LYPLAL1: variants seen among roughly 807,000 people sequenced by gnomAD.
LYPLAL1 encodes lysophospholipase like 1.
In LYPLAL1, 23 loss-of-function variants were observed where a neutral mutation model predicts 19.7. That is an observed-to-expected ratio of 1.17 (90% CI 0.84 to 1.65). The LOEUF is 1.65. Ranked by LOEUF, LYPLAL1 falls within the 40% of genes most tolerant of loss-of-function variation. LYPLAL1 has a pLI of 0.00. For missense variants in LYPLAL1, 355 were observed against 279.4 expected, an observed-to-expected ratio of 1.27 and a Z score of -1.93; for synonymous variants, 119 against 96.3, an observed-to-expected ratio of 1.24 and a Z score of -1.38.
the LYPLAL1 span, among the ~76,000 whole-genome samples, chr1:219,356,917 C>T: frequency 6.6e-6 from 1 of 152,170 alleles, no homozygotes; most frequent in Admixed American, 6.5e-5. Flanking sequence ...TTGAATTAAG[C>T]AGCAATTCTG....
chr1:219,348,440 T>A, the LYPLAL1 span, among the ~76,000 whole-genome samples: 2 of 152,236 alleles, frequency 1.3e-5, no homozygotes, highest in Non-Finnish European at 2.9e-5. Flanking sequence ...CTGCAGGTCA[T>A]TCTGTGTATT....
chr1:219,233,136 T>C, the LYPLAL1 span, among the ~76,000 whole-genome samples: 1 of 152,208 alleles, frequency 6.6e-6, no homozygotes, highest in Non-Finnish European at 1.5e-5. Flanking sequence ...AATAGATGAA[T>C]GGATAAACAC....
At chr1:219,398,923 C>T in the LYPLAL1 span, among the ~76,000 whole-genome samples, 6 of 152,218 alleles carry the variant, frequency 3.9e-5, no homozygotes, top group African/African-American at 1.4e-4. Flanking sequence ...ATCCACTGTG[C>T]TGAGTGGCCT....
At chr1:219,349,957 T>C in the LYPLAL1 span, among the ~76,000 whole-genome samples, 1 of 152,216 alleles carries the variant, frequency 6.6e-6, no homozygotes, top group Admixed American at 6.5e-5. Flanking sequence ...TTGGATTTTC[T>C]TGGAGTAATA....
At chr1:219,386,719 G>A in the LYPLAL1 span, among the ~76,000 whole-genome samples, 1 of 152,196 alleles carries the variant, frequency 6.6e-6, no homozygotes, top group Non-Finnish European at 1.5e-5. Flanking sequence ...AATAGAAACA[G>A]AAGTGAACTT....
At chr1:219,315,218 G>T in the LYPLAL1 span, among the ~76,000 whole-genome samples, 2 of 152,154 alleles carry the variant, frequency 1.3e-5, no homozygotes, top group Non-Finnish European at 2.9e-5. Flanking sequence ...TGTAAGAATC[G>T]TTAAGACGAT....
intron 2 of LYPLAL1, among the ~76,000 whole-genome samples, chr1:219,188,368 G>T (rs575245458): frequency 2.5e-4 from 38 of 151,932 alleles, no homozygotes; most frequent in East Asian, 7.7e-4. Context: ...CCCTGAGAAG[G>T]TGACACTTGA....
At chr1:219,247,551 C>T in the LYPLAL1 span, among the ~76,000 whole-genome samples, 1 of 152,206 alleles carries the variant, frequency 6.6e-6, no homozygotes, top group Non-Finnish European at 1.5e-5. Flanking sequence ...TTAGAGTTAG[C>T]TGGACCAAAG....
chr1:219,381,070 C>T, the LYPLAL1 span, among the ~76,000 whole-genome samples: 1 of 152,110 alleles, frequency 6.6e-6, no homozygotes, highest in Non-Finnish European at 1.5e-5. Context: ...TGTCCCCACC[C>T]AAATCTCATC....
intron 1 of LYPLAL1, 159 bp downstream of exon 1, chr1:219,174,140 C>T: frequency 6.9e-7 from 1 of 1,448,396 alleles, no homozygotes; most frequent in Non-Finnish European, 9.1e-7. Context: ...CGGGCAGCGC[C>T]ACCTGCCCCC....
At chr1:219,209,068 A>G (rs1325239416) in intron 3 of LYPLAL1, among the ~76,000 whole-genome samples, 1 of 152,088 alleles carries the variant, frequency 6.6e-6, no homozygotes, top group Non-Finnish European at 1.5e-5. Flanking sequence ...CTCCCCCACC[A>G]AGCTCATTTA....
chr1:219,324,583 G>A, the LYPLAL1 span, among the ~76,000 whole-genome samples: 2 of 152,180 alleles, frequency 1.3e-5, no homozygotes, highest in Non-Finnish European at 2.9e-5. Context: ...TACATAGCAT[G>A]TTTTGTATTA....
At chr1:219,177,191 A>G (rs1572147591) in intron 1 of LYPLAL1, among the ~76,000 whole-genome samples, 1 of 152,164 alleles carries the variant, frequency 6.6e-6, no homozygotes, top group Non-Finnish European at 1.5e-5. Flanking sequence ...GAACAGCAGT[A>G]AGGCTAGTGT....
the LYPLAL1 span, among the ~76,000 whole-genome samples, chr1:219,342,953 T>G: frequency 6.6e-6 from 1 of 152,236 alleles, no homozygotes; most frequent in Admixed American, 6.5e-5. Flanking sequence ...ATTAATAGAT[T>G]GTTTATTTCA....
chr1:219,351,743 A>G, the LYPLAL1 span, among the ~76,000 whole-genome samples: 1 of 152,242 alleles, frequency 6.6e-6, no homozygotes, highest in South Asian at 2.1e-4. Flanking sequence ...TTTTTGATGC[A>G]CTAAGACTCT....
the LYPLAL1 span, among the ~76,000 whole-genome samples, chr1:219,320,596 C>G: frequency 6.6e-6 from 1 of 152,108 alleles, no homozygotes; most frequent in Admixed American, 6.6e-5. Context: ...CCCCCTGCCC[C>G]CATCCCACGA....
the LYPLAL1 span, among the ~76,000 whole-genome samples, chr1:219,266,527 G>A: frequency 4.6e-5 from 7 of 151,962 alleles, no homozygotes; most frequent in Middle Eastern, 0.01. Context: ...TAATAAGTAG[G>A]AGTATACTCT....
At chr1:219,193,723 G>C (rs535932991) in intron 3 of LYPLAL1, among the ~76,000 whole-genome samples, 44 of 151,818 alleles carry the variant, frequency 2.9e-4, no homozygotes, top group African/African-American at 9.6e-4. Context: ...GTTCCTAAGG[G>C]AATATAAGTA....
At chr1:219,238,403 G>C in the LYPLAL1 span, among the ~76,000 whole-genome samples, 1 of 143,984 alleles carries the variant, frequency 6.9e-6, no homozygotes, top group African/African-American at 2.6e-5. Flanking sequence ...TGCTCGTCTC[G>C]GCCTCCCAAA....
Sources: gnomAD v4.1 joint callset for allele counts (sites outside exome capture counted in the v4.1 genomes callset) on GRCh38, gnomAD v4.1.1 for gene constraint, MANE v1.5 for transcripts, NCBI Gene and HGNC (gene_info 2026-07-23, HGNC 2026-07-21) for gene names.